Variants in TRPS1 observed in about 807,000 individuals in gnomAD.
TRPS1 encodes the protein transcriptional repressor GATA binding 1.
In TRPS1, 6 loss-of-function variants were observed where a neutral mutation model predicts 101.2. The ratio of observed to expected loss-of-function variants is 0.06; its 90% CI spans 0.03 to 0.12. The LOEUF is 0.12. TRPS1 is among the 10% of genes least tolerant of loss of function. The pLI, the probability that TRPS1 is intolerant of heterozygous loss-of-function variation, is 1.00. For synonymous variants in TRPS1, 578 were observed against 589.8 expected (o/e 0.98, Z 0.29); for missense variants, 1,363 against 1,567.0 (o/e 0.87, Z 2.20).
chr8:115,592,225 A>T (rs774936548), intron 4 of TRPS1, among the ~76,000 whole-genome samples: 2 of 152,198 alleles, frequency 1.3e-5, no homozygotes, highest in Non-Finnish European at 2.9e-5. Context: ...TCCTGGGCAT[A>T]ATCTGAGAAT....
intron 5 of TRPS1, among the ~76,000 whole-genome samples, chr8:115,544,287 G>A (rs1476907777): frequency 1.3e-5 from 2 of 151,454 alleles, no homozygotes; most frequent in African/African-American, 2.4e-5. Flanking sequence ...GGGAGTTATA[G>A]TATCTATCTC....
chr8:115,507,081 T>C (rs1002671709), intron 5 of TRPS1, among the ~76,000 whole-genome samples: 26 of 152,160 alleles, frequency 1.7e-4, no homozygotes, highest in African/African-American at 6.0e-4. Flanking sequence ...TACTCATTTC[T>C]ATTCACAAAG....
chr8:115,554,626 C>T (rs563775722), intron 5 of TRPS1, among the ~76,000 whole-genome samples: 3 of 152,248 alleles, frequency 2.0e-5, no homozygotes, highest in South Asian at 2.1e-4. Flanking sequence ...CCGCAGTTTT[C>T]GATTCAAGAT....
intron 5 of TRPS1, among the ~76,000 whole-genome samples, chr8:115,524,319 C>CTTTTTTTTTTTTTTTTTTTTTTTTT: frequency 1.4e-5 from 1 of 70,718 alleles, no homozygotes; most frequent in Non-Finnish European, 2.4e-5. Context: ...CTTCTTCTTC[C>CTTTTTTTTTTTTTTTTTTTTTTTTT]TTTTTTTTTT....
chr8:115,516,493 T>C (rs1478247142), intron 5 of TRPS1, among the ~76,000 whole-genome samples: 1 of 151,604 alleles, frequency 6.6e-6, no homozygotes, highest in Non-Finnish European at 1.5e-5. Flanking sequence ...ATAACATTAA[T>C]ATTAGTTTGG....
chr8:115,588,938 G>A (rs1167601885), intron 4 of TRPS1, among the ~76,000 whole-genome samples: 2 of 152,196 alleles, frequency 1.3e-5, no homozygotes, highest in African/African-American at 4.8e-5. Flanking sequence ...TAGACAGGAA[G>A]TTTCACATGA....
chr8:115,486,587 C>G (rs1314557999), intron 5 of TRPS1, among the ~76,000 whole-genome samples: 2 of 152,196 alleles, frequency 1.3e-5, no homozygotes, highest in African/African-American at 4.8e-5. Context: ...ATTAAAAGTG[C>G]TAGTCACGTG....
rs1420555410 is a variant in TRPS1, at chr8:115,623,633, G to A, written c.5C>T (p.Pro2Leu). 4 of 1,596,244 alleles carry A rather than the reference G, an allele frequency of 2.5e-6. No individual in the cohort carries two copies. The highest frequency in any genetic ancestry group is 3.4e-6 in the Non-Finnish European group (4 of 1,170,222). M[P>L]YEVNAGYDFT... ...ATCATACCCAGCATTGACTTCATAA[G>A]GCATGTGGCTTTAGAGTGCTTTTTA... The change falls in exon 2 of 7, where the codon CCT (proline) becomes CTT (leucine). Residue 2 changes from proline to leucine, a missense_variant. Transcript: ENST00000395715.
intron 3 of TRPS1, among the ~76,000 whole-genome samples, chr8:115,616,402 C>T (rs1043070599): frequency 6.6e-6 from 1 of 152,146 alleles, no homozygotes; most frequent in Non-Finnish European, 1.5e-5. Flanking sequence ...TACTTCTTTT[C>T]CCAACTGTAT....
At chr8:115,500,557 T>C (rs1815290817) in intron 5 of TRPS1, among the ~76,000 whole-genome samples, 1 of 152,188 alleles carries the variant, frequency 6.6e-6, no homozygotes, top group Admixed American at 6.5e-5. Flanking sequence ...TTTTAAACAT[T>C]GTTGCCAGTT....
At chr8:115,657,705 T>C (rs1437234075) in intron 1 of TRPS1, among the ~76,000 whole-genome samples, 10 of 152,132 alleles carry the variant, frequency 6.6e-5, no homozygotes, top group Admixed American at 6.6e-4. Flanking sequence ...TAACTAAAAT[T>C]GACTTTTTTT....
chr8:115,535,227 TATATATAGC>T lies in TRPS1; in HGVS notation c.2700+51765_2700+51773del, dbSNP rs1554583772. Among the ~76,000 whole-genome samples, 118 of 118,760 alleles carry T rather than the reference TATATATAGC, an allele frequency of 9.9e-4. 2 individuals are homozygous for T. The highest frequency in any genetic ancestry group is 1.6e-3 in the East Asian group (6 of 3,660). 77.9% of individuals were successfully genotyped at this position (118,760 alleles called of 152,430 possible). On this transcript the variant is annotated intron_variant, in intron 5 of 6. Transcript: ENST00000395715. ...GCATATGTATAGCATATATAGCATA[TATATATAGC>T]ATATATAGCATATATAGCATATATA...
chr8:115,600,141 C>T (rs566689579), intron 4 of TRPS1, among the ~76,000 whole-genome samples: 8 of 152,180 alleles, frequency 5.3e-5, no homozygotes, highest in Admixed American at 1.3e-4. Context: ...TCTTCTTTTG[C>T]GAAGTGCCTG....
At position 115,638,914 on chromosome 8, in the gene TRPS1, T is replaced by C. The variant is rs557426972; in HGVS notation, c.-121-15156A>G. 3.3e-4 allele frequency among the ~76,000 whole-genome samples: 50 copies of C among 152,314 alleles called. No homozygotes were observed. The East Asian group carries it at 9.5e-3, about 29-fold the overall frequency. On this transcript the variant is annotated intron_variant, in intron 1 of 6. Transcript: ENST00000395715. Reference sequence around the variant, plus strand: ...AAATGCAATGTGCTATAATTTCTTATATTCCTCCTATCCTTCCCCCATTAG... The same window carrying C: ...AAATGCAATGTGCTATAATTTCTTACATTCCTCCTATCCTTCCCCCATTAG...
intron 4 of TRPS1, among the ~76,000 whole-genome samples, chr8:115,589,804 T>C (rs1281028465): frequency 6.6e-6 from 1 of 152,174 alleles, no homozygotes; most frequent in Non-Finnish European, 1.5e-5. Flanking sequence ...GGAGCTCATC[T>C]ACAAAAGCTT....
intron 5 of TRPS1, among the ~76,000 whole-genome samples, chr8:115,527,438 A>G (rs1179319107): frequency 6.6e-6 from 1 of 152,096 alleles, no homozygotes; most frequent in South Asian, 2.1e-4. Context: ...AGATCATACT[A>G]TTCCTGACAA....
At chr8:115,493,123 C>T (rs557548759) in intron 5 of TRPS1, among the ~76,000 whole-genome samples, 3 of 152,232 alleles carry the variant, frequency 2.0e-5, no homozygotes, top group East Asian at 1.9e-4. Flanking sequence ...CTAGCCTGCA[C>T]CTGAATATCC....
intron 5 of TRPS1, among the ~76,000 whole-genome samples, chr8:115,462,466 A>G (rs924520227): frequency 2.6e-5 from 4 of 152,160 alleles, no homozygotes; most frequent in Non-Finnish European, 5.9e-5. Flanking sequence ...TGACAATGGT[A>G]TCTACCTCAT....
chr8:115,554,346 C>T (rs964783365), intron 5 of TRPS1, among the ~76,000 whole-genome samples: 20 of 152,108 alleles, frequency 1.3e-4, no homozygotes, highest in African/African-American at 4.8e-4. Context: ...GACAGTCAGA[C>T]ATCCAGGCCC....
Sources: gnomAD v4.1 joint callset for allele counts (sites outside exome capture counted in the v4.1 genomes callset) on GRCh38, gnomAD v4.1.1 for gene constraint, MANE v1.5 for transcripts, NCBI Gene and HGNC (gene_info 2026-07-23, HGNC 2026-07-21) for gene names.